MNAT1: variants seen among roughly 807,000 people sequenced by gnomAD.
MNAT1 encodes the protein CDK-activating kinase assembly factor MAT1.
In MNAT1, 43 loss-of-function variants were observed where a neutral mutation model predicts 42.0. The ratio of observed to expected loss-of-function variants is 1.02; its 90% confidence interval spans 0.80 to 1.32. The LOEUF (loss-of-function observed/expected upper bound fraction) is 1.32, where lower values mean the gene tolerates loss of function less well. MNAT1 is among the 40% of genes most tolerant of loss of function. MNAT1 has a pLI of 0.00. For synonymous variants in MNAT1, 118 were observed against 120.0 expected (o/e 0.98, Z 0.11); for missense variants, 306 against 350.4 (o/e 0.87, Z 1.01).
chr14:60,788,681 C>T (rs2031727355), intron 1 of MNAT1, among the ~76,000 whole-genome samples: 1 of 152,142 alleles, frequency 6.6e-6, no homozygotes, highest in African/African-American at 2.4e-5. Flanking sequence ...GCTGCTTCAC[C>T]TTGCACTTTT....
chr14:60,849,485 A>G (rs991169658), intron 6 of MNAT1, among the ~76,000 whole-genome samples: 4 of 152,328 alleles, frequency 2.6e-5, no homozygotes, highest in Middle Eastern at 3.4e-3. Context: ...GTATACGCCT[A>G]AAGTCAATAT....
At chr14:60,823,694 A>G (rs1190744502) in intron 6 of MNAT1, among the ~76,000 whole-genome samples, 1 of 151,898 alleles carries the variant, frequency 6.6e-6, no homozygotes, top group Non-Finnish European at 1.5e-5. Flanking sequence ...CCCCATCTCT[A>G]CTAAAAATAC....
chr14:60,760,400 C>T (rs116745381), intron 1 of MNAT1, among the ~76,000 whole-genome samples: 497 of 152,174 alleles, frequency 3.3e-3, no homozygotes, highest in African/African-American at 0.011. Context: ...ACCACACTTG[C>T]GTAACATGCA....
At chr14:60,945,425 A>C (rs375211072) in intron 7 of MNAT1, among the ~76,000 whole-genome samples, 1 of 152,122 alleles carries the variant, frequency 6.6e-6, no homozygotes, top group African/African-American at 2.4e-5. Flanking sequence ...CTTTGGAATA[A>C]ATTTGAATAC....
At chr14:60,816,205 T>G (rs2032709841) in intron 5 of MNAT1, among the ~76,000 whole-genome samples, 2 of 152,150 alleles carry the variant, frequency 1.3e-5, no homozygotes, top group Non-Finnish European at 2.9e-5. Flanking sequence ...AGTATTTGCA[T>G]TATATTATAC....
chr14:60,811,902 C>A, intron 4 of MNAT1, 85 bp from the exon 5 acceptor site: 2 of 981,744 alleles, frequency 2.0e-6, no homozygotes, highest in Non-Finnish European at 2.9e-6. Context: ...TTTTATGCTT[C>A]CAATAAAGAA....
intron 1 of MNAT1, among the ~76,000 whole-genome samples, chr14:60,756,485 G>A (rs2030355552): frequency 6.6e-6 from 1 of 152,164 alleles, no homozygotes; most frequent in Admixed American, 6.5e-5. Flanking sequence ...AGTGATCATG[G>A]AAGAATTTTA....
intron 7 of MNAT1, among the ~76,000 whole-genome samples, chr14:60,886,005 G>T (rs1317350630): frequency 3.3e-5 from 5 of 151,934 alleles, no homozygotes; most frequent in African/African-American, 9.7e-5. Context: ...CAGTGCCATT[G>T]ACTAAAAATA....
intron 1 of MNAT1, among the ~76,000 whole-genome samples, chr14:60,761,589 T>C (rs2030602625): frequency 6.6e-6 from 1 of 152,230 alleles, no homozygotes; most frequent in East Asian, 1.9e-4. Flanking sequence ...TTATTAAATT[T>C]AGATATTTTC....
At chr14:60,756,263 T>C (rs1177331334) in intron 1 of MNAT1, among the ~76,000 whole-genome samples, 1 of 152,216 alleles carries the variant, frequency 6.6e-6, no homozygotes, top group Non-Finnish European at 1.5e-5. Flanking sequence ...ACACATTTGT[T>C]GAACATATGC....
chr14:60,904,281 A>G (rs1342587769), intron 7 of MNAT1, among the ~76,000 whole-genome samples: 1 of 152,250 alleles, frequency 6.6e-6, no homozygotes, highest in Non-Finnish European at 1.5e-5. Context: ...TATATAACAT[A>G]TAATTTATAC....
chr14:60,850,763 A>G (rs2033803470), intron 6 of MNAT1, among the ~76,000 whole-genome samples: 1 of 152,224 alleles, frequency 6.6e-6, no homozygotes, highest in South Asian at 2.1e-4. Flanking sequence ...ACAAGCAAAT[A>G]AAAAGAAACC....
At chr14:60,840,291 T>C (rs2033510659) in intron 6 of MNAT1, among the ~76,000 whole-genome samples, 1 of 152,188 alleles carries the variant, frequency 6.6e-6, no homozygotes, top group African/African-American at 2.4e-5. Flanking sequence ...TGTAGGAGAC[T>C]AAGAGAGTCA....
At chr14:60,896,387 C>G (rs976681549) in intron 7 of MNAT1, among the ~76,000 whole-genome samples, 5 of 152,124 alleles carry the variant, frequency 3.3e-5, no homozygotes, top group Admixed American at 6.5e-5. Flanking sequence ...ATTTTACTAC[C>G]TTCCACTCAA....
chr14:60,858,905 A>G (rs2034028233), intron 6 of MNAT1, among the ~76,000 whole-genome samples: 1 of 152,236 alleles, frequency 6.6e-6, no homozygotes, highest in Non-Finnish European at 1.5e-5. Flanking sequence ...GAGTATAAAC[A>G]TAGCTTTTAC....
At chr14:60,744,320 T>G (rs1031094784) in intron 1 of MNAT1, among the ~76,000 whole-genome samples, 2 of 152,036 alleles carry the variant, frequency 1.3e-5, no homozygotes, top group African/African-American at 4.8e-5. Context: ...TTAGTAGAGA[T>G]GGGGTTTTGC....
intron 7 of MNAT1, among the ~76,000 whole-genome samples, chr14:60,963,845 A>G (rs1055381370): frequency 6.6e-6 from 1 of 152,206 alleles, no homozygotes; most frequent in East Asian, 1.9e-4. Context: ...TATGAACTTT[A>G]CATTTCATTT....
At chr14:60,909,252 A>T (rs1208992796) in intron 7 of MNAT1, among the ~76,000 whole-genome samples, 1 of 151,688 alleles carries the variant, frequency 6.6e-6, no homozygotes, top group Non-Finnish European at 1.5e-5. Context: ...GGTTGCAAAA[A>T]TTTTCTCCCA....
chr14:60,815,995 A>C (rs1379206692), intron 5 of MNAT1, among the ~76,000 whole-genome samples: 7 of 152,162 alleles, frequency 4.6e-5, no homozygotes, highest in Non-Finnish European at 1.0e-4. Context: ...ACTAAGTAAA[A>C]GAACGTATTT....
Sources: gnomAD v4.1 joint callset for allele counts (sites outside exome capture counted in the v4.1 genomes callset) on GRCh38, gnomAD v4.1.1 for gene constraint, MANE v1.5 for transcripts, NCBI Gene and HGNC (gene_info 2026-07-23, HGNC 2026-07-21) for gene names.